The following GALNT13 variants were observed in gnomAD, a reference collection of about 807,000 sequenced individuals.
The protein encoded by GALNT13 is UDP-GalNAc:polypeptide N-acetylgalactosaminyltransferase 13.
GALNT13 carries 28 observed loss-of-function variants against 64.2 expected under a neutral mutation model. That is an observed-to-expected ratio of 0.44 (90% CI 0.32 to 0.60). The LOEUF is 0.60. Ranked by LOEUF, GALNT13 falls within the 20% of genes least tolerant of loss-of-function variation. GALNT13 has a pLI of 0.05. For missense variants in GALNT13, 577 were observed against 669.8 expected, an observed-to-expected ratio of 0.86 and a Z score of 1.53; for synonymous variants, 214 against 224.6, an observed-to-expected ratio of 0.95 and a Z score of 0.42.
At chr2:153,176,052 T>A in the GALNT13 span, among the ~76,000 whole-genome samples, 1 of 152,134 alleles carries the variant, frequency 6.6e-6, no homozygotes, top group Admixed American at 6.5e-5. Flanking sequence ...AAGTGATTTG[T>A]GTAAAGCTAA....
At chr2:154,119,024 G>A (rs139322357) in intron 3 of GALNT13, among the ~76,000 whole-genome samples, 16 of 152,050 alleles carry the variant, frequency 1.1e-4, no homozygotes, top group Admixed American at 2.0e-4. Flanking sequence ...TGAAAATGTT[G>A]TTTTACTTAT....
the GALNT13 span, among the ~76,000 whole-genome samples, chr2:153,794,666 G>A: frequency 3.3e-5 from 5 of 151,912 alleles, no homozygotes; most frequent in East Asian, 1.9e-4. Flanking sequence ...GATTACAGGC[G>A]CCCACCACTG....
chr2:153,803,409 C>G, the GALNT13 span, among the ~76,000 whole-genome samples: 1 of 152,072 alleles, frequency 6.6e-6, no homozygotes, highest in Admixed American at 6.6e-5. Context: ...AGAAAAGGAA[C>G]AGGTCTGGCG....
intron 9 of GALNT13, among the ~76,000 whole-genome samples, chr2:154,338,141 A>G (rs1251706233): frequency 1.3e-5 from 2 of 152,082 alleles, no homozygotes; most frequent in Non-Finnish European, 2.9e-5. Flanking sequence ...AATTTGCATG[A>G]TCAACTTTCA....
the GALNT13 span, among the ~76,000 whole-genome samples, chr2:153,847,729 T>C: frequency 6.6e-6 from 1 of 152,286 alleles, no homozygotes; most frequent in Non-Finnish European, 1.5e-5. Flanking sequence ...GATAGAGCAG[T>C]GCTTAGAGGA....
At chr2:154,363,703 T>TTAAG (rs1697207380) in intron 9 of GALNT13, among the ~76,000 whole-genome samples, 1 of 152,210 alleles carries the variant, frequency 6.6e-6, no homozygotes, top group Non-Finnish European at 1.5e-5. Context: ...ATATAAAAGA[T>TTAAG]AAAGACTGGA....
At chr2:153,825,498 T>A in the GALNT13 span, among the ~76,000 whole-genome samples, 10 of 152,160 alleles carry the variant, frequency 6.6e-5, no homozygotes, top group African/African-American at 2.4e-4. Context: ...TGCAAAATTA[T>A]ACTGTCAGTT....
chr2:153,970,966 T>C (rs1469575577), intron 3 of GALNT13, among the ~76,000 whole-genome samples: 1 of 152,206 alleles, frequency 6.6e-6, no homozygotes, highest in Non-Finnish European at 1.5e-5. Flanking sequence ...AAAGTTATTA[T>C]GATGGCTTAC....
chr2:153,116,089 T>C, the GALNT13 span, among the ~76,000 whole-genome samples: 1 of 152,194 alleles, frequency 6.6e-6, no homozygotes, highest in Admixed American at 6.5e-5. Context: ...GAATGTTACA[T>C]TATATATAAA....
chr2:153,248,412 A>G, the GALNT13 span, among the ~76,000 whole-genome samples: 1 of 152,282 alleles, frequency 6.6e-6, no homozygotes, highest in African/African-American at 2.4e-5. Flanking sequence ...TTCAACATAC[A>G]CAAATTAATA....
chr2:153,277,066 ATTTTT>A, the GALNT13 span, among the ~76,000 whole-genome samples: 1 of 152,080 alleles, frequency 6.6e-6, no homozygotes, highest in African/African-American at 2.4e-5. Context: ...TTTAAGTTTT[ATTTTT>A]GATTCAAGAG....
chr2:153,558,288 T>C, the GALNT13 span, among the ~76,000 whole-genome samples: 1 of 152,200 alleles, frequency 6.6e-6, no homozygotes, highest in Non-Finnish European at 1.5e-5. Context: ...GGGCATTTAC[T>C]GTTTGGGGAT....
the GALNT13 span, among the ~76,000 whole-genome samples, chr2:153,169,304 G>A: frequency 6.6e-6 from 1 of 152,216 alleles, no homozygotes. Context: ...GTCTCTAAGT[G>A]AGATGAAAGT....
chr2:154,245,997 T>G lies in GALNT13; in HGVS notation c.857+15T>G. 1.3e-6 allele frequency: 2 copies of G among 1,584,806 alleles called. No homozygotes were observed. The highest frequency in any genetic ancestry group is 8.7e-7 in the Non-Finnish European group (1 of 1,156,002). On this transcript the variant is annotated intron_variant, in intron 7 of 12. Transcript: ENST00000392825. ...TTACCTGTCAGGTATGTAGATCATA[T>G]CTCTTGAAGATTATGTATATCCCCC...
chr2:153,430,732 C>T, the GALNT13 span, among the ~76,000 whole-genome samples: 16,434 of 151,448 alleles, frequency 0.11, 1,318 homozygotes, highest in African/African-American at 0.22. Context: ...TGATATAAGA[C>T]CCCTGCTTGA....
At chr2:153,382,121 C>T in the GALNT13 span, among the ~76,000 whole-genome samples, 9 of 152,098 alleles carry the variant, frequency 5.9e-5, no homozygotes, top group Non-Finnish European at 1.3e-4. Flanking sequence ...ATTAGATCTG[C>T]TAAGGATGGT....
At chr2:153,438,049 T>G in the GALNT13 span, among the ~76,000 whole-genome samples, 1 of 152,168 alleles carries the variant, frequency 6.6e-6, no homozygotes, top group Non-Finnish European at 1.5e-5. Flanking sequence ...AGCATTTGCT[T>G]GTCTGTAAAG....
chr2:153,671,351 T>G, the GALNT13 span, among the ~76,000 whole-genome samples: 1 of 152,268 alleles, frequency 6.6e-6, no homozygotes, highest in South Asian at 2.1e-4. Context: ...ACAGTGGATC[T>G]CTCTGCAGAA....
At chr2:154,431,405 A>G (rs799766) in intron 11 of GALNT13, among the ~76,000 whole-genome samples, 39,352 of 152,154 alleles carry the variant, frequency 0.26, 5,467 homozygotes, top group East Asian at 0.55. Context: ...AGAAGTAACT[A>G]TACATATATT....
Sources: gnomAD v4.1 joint callset for allele counts (sites outside exome capture counted in the v4.1 genomes callset) on GRCh38, gnomAD v4.1.1 for gene constraint, MANE v1.5 for transcripts, NCBI Gene and HGNC (gene_info 2026-07-23, HGNC 2026-07-21) for gene names.